The following SBF2 variants were observed in gnomAD, a reference collection of about 807,000 sequenced individuals.
The protein encoded by SBF2 is SET binding factor 2, also known as myotubularin-related protein 13.
A neutral mutation model predicts 225.2 loss-of-function variants in SBF2; 112 were observed. The observed-to-expected ratio is 0.50, with a 90% CI of 0.43 to 0.58. The LOEUF is 0.58. SBF2 is among the 20% of genes least tolerant of loss of function. SBF2 has a pLI of 0.00. For synonymous variants in SBF2, 763 were observed against 773.3 expected, an observed-to-expected ratio of 0.99 and a Z score of 0.22; for missense variants, 1,996 against 2,206.2, an observed-to-expected ratio of 0.90 and a Z score of 1.91.
chr11:9,839,300 C>G, intron 26 of SBF2, 198 bp downstream of exon 26: 1 of 615,570 alleles, frequency 1.6e-6, no homozygotes, highest in Non-Finnish European at 2.9e-6. Context: ...CTTTCACCTT[C>G]TCACCTACTA....
intron 2 of SBF2, among the ~76,000 whole-genome samples, chr11:10,126,310 T>C (rs1318370390): frequency 6.6e-6 from 1 of 152,158 alleles, no homozygotes; most frequent in Non-Finnish European, 1.5e-5. Context: ...AGGGTATACC[T>C]AATTTGTTCA....
At chr11:10,159,179 G>C (rs1321011449) in intron 2 of SBF2, among the ~76,000 whole-genome samples, 1 of 152,150 alleles carries the variant, frequency 6.6e-6, no homozygotes, top group Non-Finnish European at 1.5e-5. Flanking sequence ...TAACCTCCAA[G>C]CTGTCCTTGT....
chr11:10,022,209 T>C (rs1282220484), intron 6 of SBF2, among the ~76,000 whole-genome samples: 1 of 152,118 alleles, frequency 6.6e-6, no homozygotes, highest in Non-Finnish European at 1.5e-5. Context: ...TAATAAGACA[T>C]GTAAGTTTTA....
rs1352249941 is a variant in SBF2, at chr11:10,029,879, CA to C, written c.403-5del. 1 of 1,576,042 alleles carries C rather than the reference CA, an allele frequency of 6.3e-7. No individual in the cohort carries two copies. The highest frequency in any genetic ancestry group is 8.7e-7 in the Non-Finnish European group (1 of 1,145,566). ...TATAGATCAAACCCAGGCAAGCCTG[CA>C]AAAAGATAAATACATGTAATTATTT... On this transcript the variant is annotated splice_region_variant and splice_polypyrimidine_tract_variant and intron_variant, in intron 4 of 39. Coordinates refer to ENST00000256190, the MANE Select transcript of SBF2 (RefSeq NM_030962.4).
rs1043122530 is a variant in SBF2, at chr11:10,193,746, A to C, written c.141+156T>G. 3.9e-5 allele frequency among the ~76,000 whole-genome samples: 6 copies of C among 152,340 alleles called. No homozygotes were observed. In the South Asian group the frequency reaches 1.2e-3, roughly 32 times the overall value. On this transcript the variant is annotated intron_variant, in intron 2 of 39. Coordinates refer to ENST00000256190, the MANE Select transcript of SBF2 (RefSeq NM_030962.4). Reference sequence around the variant, plus strand: ...ATATATTCAAAGATGACCGTACTTGAGGGACTAGGAGGGAAGATAACTATT... The same window carrying C: ...ATATATTCAAAGATGACCGTACTTGCGGGACTAGGAGGGAAGATAACTATT...
chr11:10,012,344 G>A (rs1013163011), intron 6 of SBF2, among the ~76,000 whole-genome samples: 2 of 152,086 alleles, frequency 1.3e-5, no homozygotes, highest in Non-Finnish European at 2.9e-5. Context: ...TTCTCACTAT[G>A]TTTCTCAGGC....
At position 9,868,541 on chromosome 11, in the gene SBF2, TA is replaced by T. The variant is rs538217664; in HGVS notation, c.1930-10146del. On this transcript the variant is annotated intron_variant, in intron 17 of 39. Transcript: ENST00000256190. Reference sequence around the variant, plus strand: ...AAATAAGTAAATAAATAAATAAAAATAAAAAAAAAGTTTGTCTTTGTTTTTC... The same window carrying T: ...AAATAAGTAAATAAATAAATAAAAATAAAAAAAAGTTTGTCTTTGTTTTTC... Among the ~76,000 whole-genome samples, 212 of 150,898 alleles carry T rather than the reference TA, an allele frequency of 1.4e-3. 1 individual carries two copies. Among genetic ancestry groups the T allele is most frequent in the African/African-American group, 4.7e-3 (195 of 41,146 alleles).
intron 13 of SBF2, among the ~76,000 whole-genome samples, chr11:9,982,640 T>C (rs913682666): frequency 6.6e-6 from 1 of 152,174 alleles, no homozygotes; most frequent in Non-Finnish European, 1.5e-5. Flanking sequence ...GCTTGCATTG[T>C]GAGTTTCAGC....
rs147119667 is a variant in SBF2 at position 10,272,527 on chromosome 11, C to T, written c.55+21488G>A. On this transcript the variant is annotated intron_variant, in intron 1 of 39. Coordinates refer to ENST00000256190, the MANE Select transcript of SBF2 (RefSeq NM_030962.4). Reference sequence around the variant, plus strand: ...ATACCAGGCCAGGCACACTGGCTTACGCCTGTAATCCCAGCACTACCAAAG... The same window carrying T: ...ATACCAGGCCAGGCACACTGGCTTATGCCTGTAATCCCAGCACTACCAAAG... Among the ~76,000 whole-genome samples, 279 of 152,334 alleles carry T rather than the reference C, an allele frequency of 1.8e-3. 1 individual carries two copies. Among genetic ancestry groups the T allele is most frequent in the Non-Finnish European group, 3.4e-3 (228 of 68,032 alleles).
chr11:10,028,591 C>T (rs1247358018), intron 5 of SBF2, 34 bp from the exon 6 acceptor site: 4 of 1,328,338 alleles, frequency 3.0e-6, no homozygotes, highest in Non-Finnish European at 3.3e-6. Context: ...CACACACACA[C>T]ACGATTTCAG....
intron 6 of SBF2, among the ~76,000 whole-genome samples, chr11:10,012,303 C>G (rs1258255292): frequency 6.6e-6 from 1 of 152,124 alleles, no homozygotes; most frequent in African/African-American, 2.4e-5. Flanking sequence ...CACCATCACA[C>G]CTGGCTAGTT....
At chr11:10,290,793 T>C (rs1964112642) in intron 1 of SBF2, among the ~76,000 whole-genome samples, 1 of 152,060 alleles carries the variant, frequency 6.6e-6, no homozygotes, top group Non-Finnish European at 1.5e-5. Context: ...TAAATATAGA[T>C]ATAAATGCAT....
intron 16 of SBF2, among the ~76,000 whole-genome samples, chr11:9,911,054 T>C (rs376133837): frequency 7.1e-6 from 1 of 140,942 alleles, no homozygotes; most frequent in Non-Finnish European, 1.5e-5. Flanking sequence ...CAAGACTCCA[T>C]CTCAAAAAAA....
intron 16 of SBF2, among the ~76,000 whole-genome samples, chr11:9,933,073 T>C (rs940156175): frequency 2.1e-5 from 3 of 143,572 alleles, no homozygotes; most frequent in Non-Finnish European, 3.0e-5. Context: ...GGCCATTACA[T>C]AATGGTAAAC....
At chr11:10,241,976 T>G (rs1235188133) in intron 1 of SBF2, among the ~76,000 whole-genome samples, 2 of 151,652 alleles carry the variant, frequency 1.3e-5, no homozygotes. Context: ...ACCACCAGAC[T>G]GACCCTACTC....
intron 2 of SBF2, among the ~76,000 whole-genome samples, chr11:10,167,478 A>C (rs1956012343): frequency 6.6e-6 from 1 of 151,890 alleles, no homozygotes. Context: ...CTGAGGTGGG[A>C]GGATCACTTG....
intron 6 of SBF2, among the ~76,000 whole-genome samples, chr11:10,022,052 A>G (rs1200409092): frequency 6.6e-6 from 1 of 152,238 alleles, no homozygotes; most frequent in African/African-American, 2.4e-5. Flanking sequence ...ACCAATTATT[A>G]TGTATTCCGG....
At chr11:10,229,472 C>A (rs1039865470) in intron 1 of SBF2, among the ~76,000 whole-genome samples, 3 of 152,236 alleles carry the variant, frequency 2.0e-5, no homozygotes, top group Non-Finnish European at 4.4e-5. Context: ...TTTCCCTCTA[C>A]ACACTGCTTT....
chr11:10,230,412 T>C (rs1404838677), intron 1 of SBF2, among the ~76,000 whole-genome samples: 2 of 152,232 alleles, frequency 1.3e-5, no homozygotes, highest in Non-Finnish European at 2.9e-5. Context: ...GCCTTGATGG[T>C]CTTTACAATT....
Sources: gnomAD v4.1 joint callset for allele counts (sites outside exome capture counted in the v4.1 genomes callset) on GRCh38, gnomAD v4.1.1 for gene constraint, MANE v1.5 for transcripts, NCBI Gene and HGNC (gene_info 2026-07-23, HGNC 2026-07-21) for gene names.